The following KIDINS220 variants were observed in gnomAD, a reference collection of about 807,000 sequenced individuals.
The protein encoded by KIDINS220 is kinase D-interacting substrate of 220 kDa.
In KIDINS220, 63 loss-of-function variants were observed where a neutral mutation model predicts 157.6. The ratio of observed to expected loss-of-function variants is 0.40; its 90% CI spans 0.33 to 0.49. The LOEUF (loss-of-function observed/expected upper bound fraction) is 0.49. KIDINS220 is among the 20% of genes least tolerant of loss of function. KIDINS220 has a pLI of 0.66. For synonymous variants in KIDINS220, 732 were observed against 783.6 expected (o/e 0.93, Z 1.10); for missense variants, 1,772 against 2,171.2 (o/e 0.82, Z 3.65).
At chr2:8,793,449 T>C (rs564569189) in intron 12 of KIDINS220, among the ~76,000 whole-genome samples, 10 of 152,242 alleles carry the variant, frequency 6.6e-5, no homozygotes, top group Admixed American at 4.6e-4. Flanking sequence ...TGAGCTATGA[T>C]TGCATCACTG....
chr2:8,780,011 C>G (rs943655004), intron 17 of KIDINS220, among the ~76,000 whole-genome samples, 197 bp from the exon 18 acceptor site: 2 of 152,238 alleles, frequency 1.3e-5, no homozygotes, highest in African/African-American at 4.8e-5. Flanking sequence ...ATTACAGCAG[C>G]TGATCCTCAG....
intron 2 of KIDINS220, among the ~76,000 whole-genome samples, chr2:8,820,933 T>C (rs1677864336): frequency 6.6e-6 from 1 of 152,158 alleles, no homozygotes; most frequent in South Asian, 2.1e-4. Context: ...GGTATCAAAG[T>C]CATTGGTAGA....
intron 20 of KIDINS220, 106 bp from the exon 21 acceptor site, chr2:8,776,998 T>G: frequency 8.0e-7 from 1 of 1,250,554 alleles, no homozygotes; most frequent in Non-Finnish European, 1.1e-6. Context: ...AAATCCAAAG[T>G]TTTAGTCAAA....
intron 6 of KIDINS220, among the ~76,000 whole-genome samples, chr2:8,811,746 G>C (rs1676344543): frequency 6.6e-6 from 1 of 152,006 alleles, no homozygotes; most frequent in African/African-American, 2.4e-5. Context: ...AGGTATTTAT[G>C]CAATGATTGA....
downstream of KIDINS220, among the ~76,000 whole-genome samples, chr2:8,728,060 C>A (rs368920185): frequency 5.3e-5 from 8 of 152,258 alleles, 1 homozygote; most frequent in African/African-American, 1.7e-4. Flanking sequence ...ACACAAGACT[C>A]GGCTGGGCAT....
At chr2:8,762,854 A>T (rs1668957497) in intron 22 of KIDINS220, among the ~76,000 whole-genome samples, 1 of 152,258 alleles carries the variant, frequency 6.6e-6, no homozygotes, top group Non-Finnish European at 1.5e-5. Flanking sequence ...AAACAGATGT[A>T]CCAGATGTTT....
intron 22 of KIDINS220, 37 bp from the exon 23 acceptor site, chr2:8,751,681 T>C: frequency 7.0e-7 from 1 of 1,420,430 alleles, no homozygotes; most frequent in Non-Finnish European, 9.8e-7. Flanking sequence ...GTTATTAATG[T>C]CACTATTAGA....
At chr2:8,751,341 G>T in intron 23 of KIDINS220, 125 bp downstream of exon 23, 16 of 567,204 alleles carry the variant, frequency 2.8e-5, no homozygotes, top group South Asian at 5.3e-5. Flanking sequence ...GAATTTTTCT[G>T]TGTAGTGCTT....
intron 12 of KIDINS220, 62 bp from the exon 13 acceptor site, chr2:8,791,286 T>G (rs1673144098): frequency 7.1e-7 from 1 of 1,401,086 alleles, no homozygotes. Context: ...AAATGAACAC[T>G]ATTTTCATTG....
chr2:8,786,170 C>T, intron 16 of KIDINS220, 36 bp downstream of exon 16: 1 of 1,611,620 alleles, frequency 6.2e-7, no homozygotes, highest in Non-Finnish European at 8.5e-7. Flanking sequence ...CCACCCCCAT[C>T]CCTTACACAC....
chr2:8,758,479 G>C (rs1056995400), intron 22 of KIDINS220, among the ~76,000 whole-genome samples: 3 of 152,064 alleles, frequency 2.0e-5, no homozygotes, highest in Admixed American at 6.5e-5. Flanking sequence ...CACTGGATCT[G>C]TCAATTTGCT....
chr2:8,831,889 T>C (rs1381071588), intron 1 of KIDINS220, among the ~76,000 whole-genome samples: 1 of 152,250 alleles, frequency 6.6e-6, no homozygotes, highest in East Asian at 1.9e-4. Flanking sequence ...TCTGGAATCA[T>C]ATCTGAACAT....
At chr2:8,772,527 A>T (rs1013696652) in intron 21 of KIDINS220, among the ~76,000 whole-genome samples, 2 of 152,160 alleles carry the variant, frequency 1.3e-5, no homozygotes, top group African/African-American at 4.8e-5. Flanking sequence ...CTATCCTAAG[A>T]ATATATCTAG....
downstream of KIDINS220, chr2:8,728,803 A>G (rs1245117207): frequency 2.1e-6 from 2 of 972,962 alleles, no homozygotes; most frequent in Non-Finnish European, 2.4e-6. Flanking sequence ...TGCCAACTGC[A>G]TGACTGTACA....
chr2:8,728,018 T>C (rs1001195304), downstream of KIDINS220, among the ~76,000 whole-genome samples: 5 of 152,210 alleles, frequency 3.3e-5, no homozygotes, highest in Admixed American at 3.3e-4. Context: ...GAACTATCTG[T>C]GGCTTACAGT....
At chr2:8,778,212 A>G (rs904614704) in intron 20 of KIDINS220, among the ~76,000 whole-genome samples, 2 of 152,228 alleles carry the variant, frequency 1.3e-5, no homozygotes, top group East Asian at 3.8e-4. Context: ...TAGAGAAAAA[A>G]GAGTGAGCGT....
rs549164402 is a variant in KIDINS220, at chr2:8,769,698, G to A, written c.3011+972C>T. Among the ~76,000 whole-genome samples the A allele has an allele frequency of 4.6e-5, 7 of 152,108 alleles. No individual in the cohort carries two copies. The South Asian group carries it at 8.3e-4, about 18-fold the overall frequency. ...TATTATAATACAAACGTTTATTCAC[G>A]AAATAAAACCTTGTATGTACAATAA... On this transcript the variant is annotated intron_variant, in intron 22 of 29. Transcript: ENST00000256707.
At chr2:8,788,260 T>C (rs530139609) in intron 15 of KIDINS220, among the ~76,000 whole-genome samples, 55 of 148,788 alleles carry the variant, frequency 3.7e-4, no homozygotes, top group African/African-American at 1.4e-3. Context: ...TGAGAAATTA[T>C]ATTCTATAAA....
rs1664005569 is a variant in KIDINS220 at position 8,731,053 on chromosome 2, G to A, written c.4983C>T (p.Ser1661=). The A allele has an allele frequency of 6.2e-7, 1 of 1,614,210 alleles. No homozygotes were observed. The highest frequency in any genetic ancestry group is 8.5e-7 in the Non-Finnish European group (1 of 1,180,040). The change falls in exon 30 of 30, where the codon AGC becomes AGT. Residue 1661 remains serine, a synonymous_variant. Transcript: ENST00000256707. This position sits in a 1 kb window ranked among gnomAD's most constrained non-coding sequence, Gnocchi z 5.2. ...ATGCAGGCCAGTTTTCTTCAGGGCT[G>A]CTGGCTATCAAGCTGCATTCGGAAG... is the stretch of plus-strand genomic sequence containing the variant. The part of the protein sequence containing the change: ...KSPSECSLIA[S]SPEENWPACQ...
Sources: gnomAD v4.1 joint callset for allele counts (sites outside exome capture counted in the v4.1 genomes callset) on GRCh38, gnomAD v4.1.1 for gene constraint, Gnocchi (gnomAD v3.1) non-coding constraint, MANE v1.5 for transcripts, NCBI Gene and HGNC (gene_info 2026-07-23, HGNC 2026-07-21) for gene names.